The following GPHN variants were observed in gnomAD, a reference collection of about 807,000 sequenced individuals.
The protein encoded by GPHN is gephyrin.
A neutral mutation model predicts 95.5 loss-of-function variants in GPHN; 17 were observed. That is an observed-to-expected ratio of 0.18 (90% CI 0.12 to 0.27). GPHN has a LOEUF of 0.27. Among genes scored for constraint, GPHN ranks in the 10% least tolerant of loss-of-function variants. The pLI is 1.00. For synonymous variants in GPHN, 320 were observed against 322.5 expected (o/e 0.99, Z 0.08); for missense variants, 660 against 978.1 (o/e 0.67, Z 4.34).
chr14:67,569,942 T>C, the GPHN span: 2 of 1,609,738 alleles, frequency 1.2e-6, no homozygotes, highest in Non-Finnish European at 1.7e-6. Context: ...CCTGCCCTTG[T>C]TTCCCCTGGG....
chr14:67,358,643 T>G, the GPHN span, among the ~76,000 whole-genome samples: 4 of 152,194 alleles, frequency 2.6e-5, no homozygotes, highest in African/African-American at 9.7e-5. Flanking sequence ...GAGGCTGCTG[T>G]GAGCTCTGAT....
the GPHN span, among the ~76,000 whole-genome samples, chr14:67,457,332 G>A: frequency 2.6e-5 from 4 of 152,202 alleles, no homozygotes; most frequent in African/African-American, 7.2e-5. Context: ...GCTGGCTCAC[G>A]CCTGTAATCC....
intron 8 of GPHN, among the ~76,000 whole-genome samples, chr14:66,939,715 A>T (rs1440663459): frequency 6.6e-6 from 1 of 152,154 alleles, no homozygotes; most frequent in Non-Finnish European, 1.5e-5. Flanking sequence ...CTCTGAAGAC[A>T]TACATTTAAC....
At chr14:67,282,635 TAAG>T in the GPHN span, among the ~76,000 whole-genome samples, 1 of 152,142 alleles carries the variant, frequency 6.6e-6, no homozygotes, top group African/African-American at 2.4e-5. Context: ...TTTTGAAAGA[TAAG>T]AAATAGTGAT....
chr14:67,663,824 G>A, the GPHN span, among the ~76,000 whole-genome samples: 11 of 152,244 alleles, frequency 7.2e-5, no homozygotes, highest in Admixed American at 3.9e-4. Context: ...GTTAGTCAGC[G>A]GGGTGAGGTT....
intron 8 of GPHN, among the ~76,000 whole-genome samples, chr14:66,926,012 C>G (rs1033282093): frequency 6.6e-6 from 1 of 152,186 alleles, no homozygotes; most frequent in African/African-American, 2.4e-5. Context: ...TAATGATGAG[C>G]ACCTTTTCAC....
the GPHN span, among the ~76,000 whole-genome samples, chr14:67,232,483 T>G: frequency 3.3e-5 from 5 of 152,186 alleles, no homozygotes; most frequent in African/African-American, 7.2e-5. Flanking sequence ...GCCACCCAGT[T>G]AAGCTGCTTC....
chr14:67,179,026 T>A (rs72717333), intron 21 of GPHN, among the ~76,000 whole-genome samples: 8,194 of 152,204 alleles, frequency 0.054, 228 homozygotes, highest in Middle Eastern at 0.068. Flanking sequence ...AAAGCTGAAC[T>A]CCAGCTTCTT....
chr14:66,826,890 C>T (rs1325604702), intron 4 of GPHN, among the ~76,000 whole-genome samples: 1 of 152,102 alleles, frequency 6.6e-6, no homozygotes, highest in Non-Finnish European at 1.5e-5. Context: ...TTCCAATGCT[C>T]ATAATAACTT....
chr14:67,660,176 T>C, the GPHN span: 1 of 362,758 alleles, frequency 2.8e-6, no homozygotes, highest in African/African-American at 2.1e-5. Flanking sequence ...AAGTACTTTA[T>C]AGCTTACTAA....
chr14:67,206,332 T>C, the GPHN span, among the ~76,000 whole-genome samples: 10 of 151,942 alleles, frequency 6.6e-5, no homozygotes, highest in Non-Finnish European at 1.5e-4. Context: ...ACCCTGTCTC[T>C]ACTAAAAAAT....
chr14:67,340,615 T>C, the GPHN span: 1 of 1,039,976 alleles, frequency 9.6e-7, no homozygotes, highest in Non-Finnish European at 1.4e-6. Flanking sequence ...TTCCTAATTG[T>C]AAAATTAATG....
intron 2 of GPHN, among the ~76,000 whole-genome samples, chr14:66,735,523 A>G (rs1209834953): frequency 6.6e-6 from 1 of 152,122 alleles, no homozygotes; most frequent in Non-Finnish European, 1.5e-5. Context: ...TTCAATTTGT[A>G]TCTATTATTT....
chr14:67,435,819 A>G, the GPHN span, among the ~76,000 whole-genome samples: 2 of 152,200 alleles, frequency 1.3e-5, no homozygotes, highest in African/African-American at 2.4e-5. Flanking sequence ...GTCCTTGGCC[A>G]CGTCCATTGG....
rs1234334790 is a variant in GPHN, at chr14:66,915,989, C to G, written c.390-14C>G. 1.3e-6 allele frequency: 2 copies of G among 1,516,616 alleles called. No individual in the cohort carries two copies. Among genetic ancestry groups the G allele is most frequent in the East Asian group, 2.3e-5 (1 of 44,430 alleles). 93.9% of individuals were successfully genotyped at this position (1,516,616 alleles called of 1,614,324 possible). A position where few individuals can be genotyped will look rare whatever the true frequency, so the allele number is the denominator to read the frequency against. On this transcript the variant is annotated splice_polypyrimidine_tract_variant and intron_variant, in intron 5 of 22. Coordinates refer to ENST00000478722, the MANE Select transcript of GPHN (RefSeq NM_020806.5). ...TAGCAATTTAGTGTTCATCTACTTT[C>G]TCTTTTCTTTCAGGCCTGTATGTGG...
the GPHN span, among the ~76,000 whole-genome samples, chr14:67,435,669 G>T: frequency 6.6e-6 from 1 of 152,322 alleles, no homozygotes; most frequent in African/African-American, 2.4e-5. Flanking sequence ...TCTCCAGAAC[G>T]CTTGCCTCAA....
chr14:67,481,749 C>T, the GPHN span, among the ~76,000 whole-genome samples: 2 of 152,230 alleles, frequency 1.3e-5, no homozygotes, highest in Admixed American at 6.5e-5. Context: ...GGCCTCCACC[C>T]ACCCGACTCC....
intron 5 of GPHN, among the ~76,000 whole-genome samples, chr14:66,882,075 C>G (rs886309839): frequency 2.1e-4 from 32 of 151,830 alleles, no homozygotes; most frequent in African/African-American, 7.2e-4. Flanking sequence ...CTTTCTACAG[C>G]CTTTCTATTT....
At chr14:67,463,260 A>G in the GPHN span, among the ~76,000 whole-genome samples, 1 of 152,114 alleles carries the variant, frequency 6.6e-6, no homozygotes. Flanking sequence ...CTCTATTTTT[A>G]ATTAAAAATT....
Sources: gnomAD v4.1 joint callset for allele counts (sites outside exome capture counted in the v4.1 genomes callset) on GRCh38, gnomAD v4.1.1 for gene constraint, MANE v1.5 for transcripts, NCBI Gene and HGNC (gene_info 2026-07-23, HGNC 2026-07-21) for gene names.